Variants in HERC2 observed in about 807,000 individuals in gnomAD.
The protein encoded by HERC2 is E3 ubiquitin-protein ligase HERC2.
In HERC2, 102 loss-of-function variants were observed where a neutral mutation model predicts 537.7. That is an observed-to-expected ratio of 0.19 (90% CI 0.16 to 0.22). The LOEUF is 0.22. Ranked by LOEUF, HERC2 falls within the 10% of genes least tolerant of loss-of-function variation. HERC2 has a pLI of 1.00. For missense variants in HERC2, 4,236 were observed against 6,198.2 expected, an observed-to-expected ratio of 0.68 and a Z score of 10.63; for synonymous variants, 2,224 against 2,466.2, an observed-to-expected ratio of 0.90 and a Z score of 2.91.
chr15:28,241,409 C>T (rs1903103033), intron 23 of HERC2, among the ~76,000 whole-genome samples: 1 of 151,952 alleles, frequency 6.6e-6, no homozygotes, highest in Non-Finnish European at 1.5e-5. Flanking sequence ...CTGCACACTA[C>T]TGACAGGAAC....
At chr15:28,227,851 A>C (rs989012812) in intron 35 of HERC2, among the ~76,000 whole-genome samples, 11 of 152,214 alleles carry the variant, frequency 7.2e-5, no homozygotes, top group African/African-American at 2.4e-4. Context: ...GAAATAACCC[A>C]GACACAAAGG....
chr15:28,209,437 G>A (rs1233706523), intron 44 of HERC2, among the ~76,000 whole-genome samples: 6 of 151,772 alleles, frequency 4.0e-5, no homozygotes, highest in Non-Finnish European at 7.4e-5. Context: ...TCTGCCTCCC[G>A]AGTTCACACC....
chr15:28,117,239 C>T (rs58656163), intron 86 of HERC2, 85 bp from the exon 87 acceptor site: 39 of 1,357,076 alleles, frequency 2.9e-5, no homozygotes, highest in East Asian at 2.5e-4. Flanking sequence ...GGCGAATGCA[C>T]GAGGAGGAGG....
intron 57 of HERC2, among the ~76,000 whole-genome samples, chr15:28,180,720 C>G (rs977948355): frequency 6.6e-5 from 10 of 152,314 alleles, no homozygotes; most frequent in Non-Finnish European, 1.5e-4. Flanking sequence ...ATTCAACCAC[C>G]CATGGATTGA....
chr15:28,169,465 A>C lies in HERC2; in HGVS notation c.10229+19T>G. On this transcript the variant is annotated intron_variant, in intron 66 of 92. Coordinates refer to ENST00000261609, the MANE Select transcript of HERC2 (RefSeq NM_004667.6). ...GCTCACATAATTGCAGAATTTCAAA[A>C]ATTAGCACAGAAGCCTACCTGGCAT... The C allele has an allele frequency of 6.5e-7, 1 of 1,538,060 alleles. No individual in the cohort carries two copies. The highest frequency in any genetic ancestry group is 1.4e-5 in the African/African-American group (1 of 71,948).
chr15:28,252,501 T>A (rs1000773511), intron 20 of HERC2, among the ~76,000 whole-genome samples: 7 of 152,212 alleles, frequency 4.6e-5, no homozygotes, highest in African/African-American at 1.7e-4. Flanking sequence ...CTTTACATTT[T>A]AATTACAAAG....
chr15:28,273,173 G>A (rs1449549599), intron 7 of HERC2, 169 bp from the exon 8 acceptor site: 9 of 632,714 alleles, frequency 1.4e-5, no homozygotes, highest in Non-Finnish European at 2.2e-5. Context: ...GAGATTATAA[G>A]TGTACAATTA....
chr15:28,269,262 T>A lies in HERC2; in HGVS notation c.1432A>T (p.Asn478Tyr). 1 of 1,613,666 alleles carries A rather than the reference T, an allele frequency of 6.2e-7. No homozygotes were observed. Among genetic ancestry groups the A allele is most frequent in the Admixed American group, 1.7e-5 (1 of 59,976 alleles). The change falls in exon 11 of 93, where the codon AAT (asparagine) becomes TAT (tyrosine). Residue 478 changes from asparagine to tyrosine, a missense_variant. Coordinates refer to ENST00000261609, the MANE Select transcript of HERC2 (RefSeq NM_004667.6). ...AGAACACTCACCAGCGTGTCACTATTATAGGCCTGTGTGTACACGCGGCCA... is the reference window on the plus strand; with the variant it reads ...AGAACACTCACCAGCGTGTCACTATAATAGGCCTGTGTGTACACGCGGCCA... ...RNGRVYTQAY[N>Y]SDTLAPQLVQ...
chr15:28,143,885 T>G lies in HERC2; in HGVS notation c.11406A>C (p.Glu3802Asp). ...GAATGCTCCATACCAAAGCTCTTGT[T>G]TCCCCATCATTTTCTCCAAGCAGCC... ...INRLLGENDG[E>D]TRALSFTGSA... The change falls in exon 74 of 93, where the codon GAA becomes GAC. Residue 3802 changes from glutamate (E) to aspartate (D), a missense_variant. Transcript: ENST00000261609. 1 of 1,614,174 alleles carries G rather than the reference T, an allele frequency of 6.2e-7. No homozygotes were observed. Among genetic ancestry groups the G allele is most frequent in the Non-Finnish European group, 8.5e-7 (1 of 1,180,030 alleles).
chr15:28,285,541 T>A (rs1404862214), intron 4 of HERC2, among the ~76,000 whole-genome samples: 2 of 151,840 alleles, frequency 1.3e-5, no homozygotes, highest in Non-Finnish European at 2.9e-5. Context: ...GGGAAAGAGC[T>A]ACAGTGGGTG....
chr15:28,264,615 T>C (rs552197798), intron 14 of HERC2, among the ~76,000 whole-genome samples: 13 of 152,254 alleles, frequency 8.5e-5, no homozygotes, highest in South Asian at 2.1e-4. Flanking sequence ...AGGAAGACAA[T>C]GTCTGCAGCC....
intron 3 of HERC2, 83 bp downstream of exon 3, chr15:28,299,319 C>T (rs956351538): frequency 7.5e-6 from 4 of 531,278 alleles, no homozygotes; most frequent in African/African-American, 5.8e-5. Flanking sequence ...AGCTCCTGTT[C>T]CTATAGCACA....
chr15:28,291,804 C>T (rs1032346271), intron 4 of HERC2, among the ~76,000 whole-genome samples: 14 of 145,774 alleles, frequency 9.6e-5, no homozygotes, highest in African/African-American at 3.0e-4. Context: ...ACTCGGAAGG[C>T]TGAGGCAGGA....
At chr15:28,195,611 G>C (rs1897283632) in intron 52 of HERC2, among the ~76,000 whole-genome samples, 1 of 151,956 alleles carries the variant, frequency 6.6e-6, no homozygotes, top group South Asian at 2.1e-4. Flanking sequence ...ACCTAGATGA[G>C]ATGTCTGGAG....
intron 16 of HERC2, 94 bp downstream of exon 16, chr15:28,260,683 C>T (rs2075392622): frequency 1.9e-6 from 2 of 1,032,510 alleles, no homozygotes; most frequent in Admixed American, 2.3e-5. Flanking sequence ...ACAAGAACAA[C>T]AAACAAAACT....
chr15:28,304,081 G>A (rs1294443147), intron 2 of HERC2, among the ~76,000 whole-genome samples: 2 of 142,042 alleles, frequency 1.4e-5, no homozygotes, highest in African/African-American at 5.3e-5. Flanking sequence ...CAGGAGGATC[G>A]CTTCAACCCA....
intron 70 of HERC2, among the ~76,000 whole-genome samples, chr15:28,151,825 T>C (rs1213119628): frequency 6.6e-6 from 1 of 151,608 alleles, no homozygotes; most frequent in Non-Finnish European, 1.5e-5. Flanking sequence ...CATTCTCTGG[T>C]AAATGGAAGA....
chr15:28,114,911 G>T, intron 89 of HERC2, 109 bp from the exon 90 acceptor site: 1 of 873,990 alleles, frequency 1.1e-6, no homozygotes, highest in South Asian at 1.6e-5. Flanking sequence ...TCAGCCTCAA[G>T]TGCATCTCGA....
At chr15:28,229,129 G>C (rs1051100820) in intron 34 of HERC2, 66 bp downstream of exon 34, 54 of 1,389,810 alleles carry the variant, frequency 3.9e-5, no homozygotes, top group Middle Eastern at 5.0e-4. Flanking sequence ...ATTGGCATTT[G>C]CAAGTTTCCA....
Sources: allele counts gnomAD v4.1 joint callset (sites outside exome capture counted in the v4.1 genomes callset), GRCh38; gene constraint gnomAD v4.1.1; transcripts MANE v1.5; gene names NCBI Gene and HGNC (gene_info 2026-07-23, HGNC 2026-07-21).